Variants in ADGRB3 observed in about 807,000 individuals in gnomAD.
The protein encoded by ADGRB3 is adhesion G protein-coupled receptor B3, also known as brain-specific angiogenesis inhibitor 3.
Under a neutral mutation model 193.4 loss-of-function variants are expected in ADGRB3, and 37 were observed. That is an observed-to-expected ratio of 0.19 (90% CI 0.15 to 0.25). The LOEUF is 0.25. Among genes scored for constraint, ADGRB3 ranks in the 10% least tolerant of loss-of-function variants. The pLI is 1.00. For synonymous variants in ADGRB3, 690 were observed against 644.2 expected, an observed-to-expected ratio of 1.07 and a Z score of -1.08; for missense variants, 1,637 against 1,852.9, an observed-to-expected ratio of 0.88 and a Z score of 2.14.
intron 26 of ADGRB3, among the ~76,000 whole-genome samples, chr6:69,353,267 C>G (rs1018280120): frequency 5.9e-5 from 9 of 152,176 alleles, no homozygotes; most frequent in African/African-American, 1.9e-4. Context: ...TGTGTTTGTT[C>G]TTTCTTCAGA....
At position 68,970,682 on chromosome 6, in the gene ADGRB3, C is replaced by G. The variant is rs144410608; in HGVS notation, c.1526-4081C>G. 5.0e-3 allele frequency among the ~76,000 whole-genome samples: 758 copies of G among 152,310 alleles called. 8 individuals are homozygous for G. Among genetic ancestry groups the G allele is most frequent in the African/African-American group, 0.018 (733 of 41,558 alleles). On this transcript the variant is annotated intron_variant, in intron 8 of 31. Coordinates refer to ENST00000370598, the MANE Select transcript of ADGRB3 (RefSeq NM_001704.3). ...CATGTTACATTAACAGGGCCTAGCT[C>G]TAGCACATATTAGGTAAAAATGTAG...
intron 3 of ADGRB3, among the ~76,000 whole-genome samples, chr6:68,747,433 C>A (rs2127345352): frequency 6.6e-6 from 1 of 152,282 alleles, no homozygotes; most frequent in East Asian, 1.9e-4. Context: ...TGATAAAGAA[C>A]TTTTTATTAC....
chr6:69,229,500 C>A (rs191106949), intron 17 of ADGRB3, among the ~76,000 whole-genome samples: 72 of 152,098 alleles, frequency 4.7e-4, no homozygotes, highest in African/African-American at 1.7e-3. Flanking sequence ...TTCCTAATAT[C>A]CCAAGAGTTA....
intron 3 of ADGRB3, among the ~76,000 whole-genome samples, chr6:68,666,778 T>C (rs144423780): frequency 6.6e-5 from 10 of 151,926 alleles, no homozygotes; most frequent in Admixed American, 3.9e-4. Flanking sequence ...ACTTAATAAA[T>C]GTAGTTGGAT....
At chr6:68,930,985 TTGACA>T (rs1396273395) in intron 4 of ADGRB3, among the ~76,000 whole-genome samples, 12 of 152,188 alleles carry the variant, frequency 7.9e-5, no homozygotes, top group South Asian at 2.1e-4. Context: ...CAATAATTGA[TTGACA>T]TAAGACTTTC....
At chr6:68,773,950 G>T (rs1187623035) in intron 3 of ADGRB3, among the ~76,000 whole-genome samples, 4 of 152,040 alleles carry the variant, frequency 2.6e-5, no homozygotes, top group Non-Finnish European at 5.9e-5. Context: ...ATGCATAATG[G>T]GCAAGGTGGG....
At chr6:69,384,084 A>C (rs1451101125) in intron 31 of ADGRB3, among the ~76,000 whole-genome samples, 1 of 151,912 alleles carries the variant, frequency 6.6e-6, no homozygotes, top group African/African-American at 2.4e-5. Context: ...TATTCCTCTC[A>C]GTACTAGTAC....
chr6:68,708,523 C>T (rs1353821165), intron 3 of ADGRB3, among the ~76,000 whole-genome samples: 2 of 152,054 alleles, frequency 1.3e-5, no homozygotes, highest in South Asian at 2.1e-4. Context: ...CTAAAGGGCC[C>T]AGTTCAAAGA....
intron 6 of ADGRB3, among the ~76,000 whole-genome samples, chr6:68,947,642 T>G (rs1767807881): frequency 6.6e-6 from 1 of 152,128 alleles, no homozygotes; most frequent in African/African-American, 2.4e-5. Context: ...TTTTTACCTT[T>G]TAATATAATT....
chr6:68,948,230 G>A (rs1030670242), intron 6 of ADGRB3, among the ~76,000 whole-genome samples: 2 of 152,070 alleles, frequency 1.3e-5, no homozygotes, highest in East Asian at 1.9e-4. Flanking sequence ...AAGTGTCATC[G>A]TATGCTACTG....
Position 68,811,662 on chromosome 6 carries a change from G to T in ADGRB3, c.758-118897G>T, listed in dbSNP as rs1391803113. Among the ~76,000 whole-genome samples the T allele has an allele frequency of 2.0e-5, 3 of 152,006 alleles. 1 individual carries two copies. In the South Asian group the frequency reaches 6.2e-4, roughly 32 times the overall value. ...TTTTTGTATTTTTAGTAGAGACAGG[G>T]TTTCACCATGTTGGCCAGGCTGGTC... On this transcript the variant is annotated intron_variant, in intron 3 of 31. Transcript: ENST00000370598.
intron 17 of ADGRB3, among the ~76,000 whole-genome samples, chr6:69,203,213 T>C (rs1004456161): frequency 7.9e-5 from 12 of 152,156 alleles, no homozygotes; most frequent in African/African-American, 2.9e-4. Context: ...AAATCATACC[T>C]TAATCCTGGA....
At chr6:69,110,729 T>TA (rs2150325431) in intron 17 of ADGRB3, among the ~76,000 whole-genome samples, 1 of 152,346 alleles carries the variant, frequency 6.6e-6, no homozygotes, top group South Asian at 2.1e-4. Flanking sequence ...TATAAACACG[T>TA]AGCACATAAT....
chr6:68,790,276 C>A (rs1426664184), intron 3 of ADGRB3, among the ~76,000 whole-genome samples: 1 of 152,114 alleles, frequency 6.6e-6, no homozygotes. Context: ...GGGTGCCCGC[C>A]ATTGTTGAGT....
intron 17 of ADGRB3, among the ~76,000 whole-genome samples, chr6:69,222,546 G>A (rs1006400351): frequency 6.6e-6 from 1 of 151,986 alleles, no homozygotes; most frequent in Non-Finnish European, 1.5e-5. Flanking sequence ...ATTATATGCA[G>A]GACAAAGATG....
At chr6:69,162,486 T>C (rs1451168432) in intron 17 of ADGRB3, among the ~76,000 whole-genome samples, 1 of 152,112 alleles carries the variant, frequency 6.6e-6, no homozygotes, top group Non-Finnish European at 1.5e-5. Context: ...AAATATATTT[T>C]AGACTTCGCC....
intron 17 of ADGRB3, among the ~76,000 whole-genome samples, chr6:69,111,150 G>T (rs1192900268): frequency 6.6e-6 from 1 of 152,138 alleles, no homozygotes; most frequent in Non-Finnish European, 1.5e-5. Flanking sequence ...AACTGAAATT[G>T]ATATACGTGA....
chr6:68,871,793 G>A (rs1204584456), intron 3 of ADGRB3, among the ~76,000 whole-genome samples: 1 of 152,046 alleles, frequency 6.6e-6, no homozygotes, highest in Non-Finnish European at 1.5e-5. Flanking sequence ...AATCATTAAT[G>A]ACATTAATGA....
At chr6:68,928,730 T>C (rs954861019) in intron 3 of ADGRB3, among the ~76,000 whole-genome samples, 5 of 152,168 alleles carry the variant, frequency 3.3e-5, no homozygotes, top group African/African-American at 1.2e-4. Context: ...CTTTGCCTGC[T>C]CAGTGCCAAA....
Sources: gnomAD v4.1 joint callset for allele counts (sites outside exome capture counted in the v4.1 genomes callset) on GRCh38, gnomAD v4.1.1 for gene constraint, MANE v1.5 for transcripts, NCBI Gene and HGNC (gene_info 2026-07-23, HGNC 2026-07-21) for gene names.